ANKS1B: variants seen among roughly 807,000 people sequenced by gnomAD.
ANKS1B encodes ankyrin repeat and sterile alpha motif domain-containing protein 1B.
ANKS1B carries 36 observed loss-of-function variants against 148.3 expected under a neutral mutation model. That is an observed-to-expected ratio of 0.24 (90% confidence interval 0.19 to 0.32). ANKS1B has a LOEUF of 0.32. ANKS1B is among the 10% of genes least tolerant of loss of function. ANKS1B has a pLI of 1.00. For synonymous variants in ANKS1B, 542 were observed against 560.8 expected, an observed-to-expected ratio of 0.97 and a Z score of 0.47; for missense variants, 1,157 against 1,542.6, an observed-to-expected ratio of 0.75 and a Z score of 4.19.
At chr12:99,573,522 C>G (rs1239300255) in intron 9 of ANKS1B, among the ~76,000 whole-genome samples, 6 of 151,994 alleles carry the variant, frequency 3.9e-5, no homozygotes, top group Non-Finnish European at 8.8e-5. Flanking sequence ...TCTTTTCTCT[C>G]TTTATTGTAT....
rs1047045156 is a variant in ANKS1B, at chr12:99,844,459, G to A, written c.135-19070C>T. Among the ~76,000 whole-genome samples, 21 of 152,090 alleles carry A rather than the reference G, an allele frequency of 1.4e-4. 1 individual carries two copies. The highest frequency in any genetic ancestry group is 5.1e-4 in the African/African-American group (21 of 41,414). ...GTCCAGTTTCAATTTTCTGCATATAGCTAGCCAGTTCTCCCAGCACCATTT... is the reference window on the plus strand; with the variant it reads ...GTCCAGTTTCAATTTTCTGCATATAACTAGCCAGTTCTCCCAGCACCATTT... On this transcript the variant is annotated intron_variant, in intron 1 of 26. Coordinates refer to ENST00000683438, the MANE Select transcript of ANKS1B (RefSeq NM_001352186.2).
chr12:98,735,465 TTATC>T, exon 10 of ANKS1B: 1 of 493,496 alleles, frequency 2.0e-6, no homozygotes, highest in Non-Finnish European at 3.8e-6. Context: ...TGCTTGTCAT[TTATC>T]TGTTGATTAG....
At chr12:99,421,925 C>A (rs907474492) in intron 11 of ANKS1B, among the ~76,000 whole-genome samples, 1 of 152,082 alleles carries the variant, frequency 6.6e-6, no homozygotes, top group African/African-American at 2.4e-5. Flanking sequence ...TCCCCACCAA[C>A]CCCACTCTCT....
intron 1 of ANKS1B, among the ~76,000 whole-genome samples, chr12:99,872,162 A>G (rs2153729430): frequency 6.6e-6 from 1 of 152,254 alleles, no homozygotes; most frequent in Non-Finnish European, 1.5e-5. Flanking sequence ...CAGGCGGAGT[A>G]TAAATTTTTT....
chr12:99,794,864 G>C (rs1472515929), intron 4 of ANKS1B, among the ~76,000 whole-genome samples: 1 of 151,882 alleles, frequency 6.6e-6, no homozygotes, highest in Non-Finnish European at 1.5e-5. Flanking sequence ...AAAGATAAAT[G>C]CTTGAGGGGA....
intron 2 of ANKS1B, among the ~76,000 whole-genome samples, chr12:99,815,663 T>C (rs563390213): frequency 2.3e-4 from 31 of 137,536 alleles, no homozygotes; most frequent in African/African-American, 8.2e-4. Context: ...CCTCCACCAG[T>C]CCCCACAGTC....
At chr12:99,502,558 A>G (rs1040795771) in intron 10 of ANKS1B, among the ~76,000 whole-genome samples, 5 of 152,148 alleles carry the variant, frequency 3.3e-5, no homozygotes, top group African/African-American at 1.2e-4. Flanking sequence ...GCACTACAGC[A>G]TAGTGTTTAA....
intron 12 of ANKS1B, among the ~76,000 whole-genome samples, chr12:99,287,720 T>G (rs2079331012): frequency 6.6e-6 from 1 of 152,174 alleles, no homozygotes; most frequent in Non-Finnish European, 1.5e-5. Flanking sequence ...GAAATAATTT[T>G]TAAAAATCAA....
chr12:99,762,075 A>G (rs1192501143), intron 8 of ANKS1B, among the ~76,000 whole-genome samples: 1 of 152,096 alleles, frequency 6.6e-6, no homozygotes. Context: ...AAAACATGCC[A>G]TGTTCATGGG....
intron 15 of ANKS1B, among the ~76,000 whole-genome samples, chr12:99,145,105 G>C (rs1035448776): frequency 2.0e-5 from 3 of 152,078 alleles, no homozygotes; most frequent in African/African-American, 7.2e-5. Context: ...TCAGTCCCAT[G>C]TAATAAACCT....
At chr12:99,221,961 T>C (rs1235083111) in intron 14 of ANKS1B, among the ~76,000 whole-genome samples, 2 of 152,164 alleles carry the variant, frequency 1.3e-5, no homozygotes, top group Admixed American at 1.3e-4. Context: ...TTAATAGGAT[T>C]ATTATTATTT....
intron 17 of ANKS1B, among the ~76,000 whole-genome samples, chr12:98,929,315 A>T (rs1172546253): frequency 6.6e-6 from 1 of 152,140 alleles, no homozygotes; most frequent in Non-Finnish European, 1.5e-5. Context: ...ATGTTCATGT[A>T]TCAGAAGACT....
intron 11 of ANKS1B, among the ~76,000 whole-genome samples, chr12:99,437,907 C>T (rs1260590759): frequency 2.0e-5 from 3 of 151,502 alleles, no homozygotes; most frequent in African/African-American, 7.3e-5. Flanking sequence ...TCCCACTCTT[C>T]AATTCCTTTC....
chr12:99,619,432 C>T (rs756263501), intron 9 of ANKS1B, among the ~76,000 whole-genome samples: 10 of 152,034 alleles, frequency 6.6e-5, no homozygotes, highest in African/African-American at 9.7e-5. Context: ...AGTCTTCCTG[C>T]GCATAGATCT....
At chr12:99,466,501 C>G (rs1434417041) in intron 10 of ANKS1B, among the ~76,000 whole-genome samples, 2 of 151,746 alleles carry the variant, frequency 1.3e-5, no homozygotes, top group African/African-American at 4.9e-5. Context: ...AATCCAGGAG[C>G]TGGTTTTTTG....
chr12:99,917,922 C>T (rs1055043315), intron 1 of ANKS1B, among the ~76,000 whole-genome samples: 8 of 152,224 alleles, frequency 5.3e-5, no homozygotes, highest in African/African-American at 1.9e-4. Flanking sequence ...ATCGCCTGAG[C>T]GCTGTCTCTT....
At chr12:98,802,594 C>CTTTTTTTTTTTTTTTT (rs397850118) in intron 20 of ANKS1B, among the ~76,000 whole-genome samples, 1 of 34,790 alleles carries the variant, frequency 2.9e-5, no homozygotes, top group Non-Finnish European at 5.1e-5. Flanking sequence ...AATGCACAGG[C>CTTTTTTTTTTTTTTTT]TTTTTTTTTT....
intron 17 of ANKS1B, among the ~76,000 whole-genome samples, chr12:98,897,375 C>T (rs1310255104): frequency 6.6e-6 from 1 of 150,422 alleles, no homozygotes; most frequent in Admixed American, 6.6e-5. Context: ...CTCCAATCAA[C>T]AAGAAAAAAA....
chr12:99,952,454 C>T (rs1249829153), intron 1 of ANKS1B, among the ~76,000 whole-genome samples: 2 of 152,044 alleles, frequency 1.3e-5, no homozygotes, highest in Non-Finnish European at 2.9e-5. Flanking sequence ...TCTAATTTTA[C>T]CTGTTTCATA....
Sources: allele counts gnomAD v4.1 joint callset (sites outside exome capture counted in the v4.1 genomes callset), GRCh38; gene constraint gnomAD v4.1.1; transcripts MANE v1.5; gene names NCBI Gene and HGNC (gene_info 2026-07-23, HGNC 2026-07-21).